Variants in KDSR observed in about 807,000 individuals in gnomAD.
The protein encoded by KDSR is 3-dehydrosphinganine reductase.
KDSR carries 23 observed loss-of-function variants against 41.3 expected under a neutral mutation model. The observed-to-expected ratio is 0.56, with a 90% CI of 0.40 to 0.79. The LOEUF (loss-of-function observed/expected upper bound fraction) is 0.79, where lower values mean the gene tolerates loss of function less well. KDSR is among the 30% of genes least tolerant of loss of function. KDSR has a pLI of 0.00. For synonymous variants in KDSR, 138 were observed against 151.7 expected (o/e 0.91, Z 0.66); for missense variants, 351 against 416.8 (o/e 0.84, Z 1.37).
At chr18:63,355,597 G>T (rs773581904) in intron 3 of KDSR, 34 bp from the exon 4 acceptor site, 2 of 1,539,658 alleles carry the variant, frequency 1.3e-6, no homozygotes, top group Admixed American at 2.3e-5. Flanking sequence ...TCAAAGTTTT[G>T]CAGGTACCAA....
At chr18:63,360,351 T>A (rs1046994761) in intron 2 of KDSR, among the ~76,000 whole-genome samples, 2 of 152,192 alleles carry the variant, frequency 1.3e-5, no homozygotes, top group African/African-American at 4.8e-5. Flanking sequence ...AGGTCCTAAT[T>A]TTGTTTGTTT....
chr18:63,349,332 A>T (rs887618926), intron 6 of KDSR, among the ~76,000 whole-genome samples: 2 of 152,160 alleles, frequency 1.3e-5, no homozygotes, highest in Non-Finnish European at 2.9e-5. Flanking sequence ...GCAGTGAGCT[A>T]TGATTGTGCC....
At chr18:63,352,682 A>C (rs1320615000) in intron 5 of KDSR, among the ~76,000 whole-genome samples, 1 of 152,168 alleles carries the variant, frequency 6.6e-6, no homozygotes, top group African/African-American at 2.4e-5. Flanking sequence ...TATGCTATTT[A>C]AGTTTAAAAA....
At chr18:63,347,401 C>G (rs1459748138) in intron 6 of KDSR, among the ~76,000 whole-genome samples, 1 of 146,756 alleles carries the variant, frequency 6.8e-6, no homozygotes, top group African/African-American at 2.6e-5. Flanking sequence ...GAGGCTGAGC[C>G]AGGAGAATCG....
At position 63,347,445 on chromosome 18, in the gene KDSR, G is replaced by A. The variant is rs561479319; in HGVS notation, c.610-2952C>T. ...AGGGAGGCAGAGGTTTCAGTGAACC[G>A]AGATCACACAACTGCACTCCAGCCT... On this transcript the variant is annotated intron_variant, in intron 6 of 9. Coordinates refer to ENST00000645214, the MANE Select transcript of KDSR (RefSeq NM_002035.4). Among the ~76,000 whole-genome samples, 9 of 129,884 alleles carry A rather than the reference G, an allele frequency of 6.9e-5. No homozygotes were observed. The South Asian group carries it at 9.9e-4, about 14-fold the overall frequency. 85.2% of individuals were successfully genotyped at this position (129,884 alleles called of 152,430 possible).
intron 2 of KDSR, among the ~76,000 whole-genome samples, chr18:63,360,082 C>A (rs1914918645): frequency 6.6e-6 from 1 of 152,168 alleles, no homozygotes; most frequent in Non-Finnish European, 1.5e-5. Flanking sequence ...ATTGCTGAGG[C>A]TGACTCTACA....
At chr18:63,359,707 G>A in intron 3 of KDSR, 29 bp downstream of exon 3, 1 of 1,469,260 alleles carries the variant, frequency 6.8e-7, no homozygotes, top group Non-Finnish European at 9.5e-7. Flanking sequence ...GAGTTATACA[G>A]AAAATGCATT....
chr18:63,348,067 A>T (rs1914563571), intron 6 of KDSR, among the ~76,000 whole-genome samples: 1 of 152,060 alleles, frequency 6.6e-6, no homozygotes, highest in South Asian at 2.1e-4. Flanking sequence ...CAGGTGGATC[A>T]CCTGAGTCCA....
At chr18:63,362,999 T>C (rs1915034156) in intron 1 of KDSR, 131 bp from the exon 2 acceptor site, 2 of 617,288 alleles carry the variant, frequency 3.2e-6, no homozygotes, top group South Asian at 4.2e-5. Flanking sequence ...TGTTAACTTC[T>C]TCATCCCAAA....
At chr18:63,364,017 T>G (rs1030858892) in intron 1 of KDSR, among the ~76,000 whole-genome samples, 1 of 152,152 alleles carries the variant, frequency 6.6e-6, no homozygotes, top group African/African-American at 2.4e-5. Context: ...CTGAAGAGAT[T>G]TATTTGGTGG....
chr18:63,359,049 C>T (rs112347147), intron 3 of KDSR, among the ~76,000 whole-genome samples: 84 of 150,236 alleles, frequency 5.6e-4, no homozygotes, highest in African/African-American at 2.0e-3. Flanking sequence ...CATGATGGCA[C>T]GTGTCTATAA....
In KDSR at chr18:63,330,011, T is replaced by G. The variant is rs1265717179; in HGVS notation, c.*1771A>C. ...TCCTTACAAGCTGCAATGAAATCAT[T>G]CCAAGCAATTTATATATTAAATAAT... On this transcript the variant is annotated 3_prime_UTR_variant, in exon 10 of 10. Transcript: ENST00000645214. 1 of 186,454 alleles carries G rather than the reference T, an allele frequency of 5.4e-6. No individual in the cohort carries two copies. The highest frequency in any genetic ancestry group is 2.3e-5 in the African/African-American group (1 of 42,690). The allele number at this position is 186,454 out of a possible 1,614,324, so 11.5% of individuals were successfully genotyped here.
chr18:63,352,721 A>G (rs947101289), intron 5 of KDSR, among the ~76,000 whole-genome samples: 2 of 152,180 alleles, frequency 1.3e-5, no homozygotes, highest in Non-Finnish European at 2.9e-5. Context: ...ATATGCTGTA[A>G]CTGTAATTAC....
intron 3 of KDSR, among the ~76,000 whole-genome samples, chr18:63,356,249 A>C (rs1381149666): frequency 6.6e-6 from 1 of 152,162 alleles, no homozygotes; most frequent in Non-Finnish European, 1.5e-5. Context: ...AATACAAAAA[A>C]TTAGCCTGGC....
At chr18:63,351,222 A>G in intron 5 of KDSR, 143 bp from the exon 6 acceptor site, 1 of 601,274 alleles carries the variant, frequency 1.7e-6, no homozygotes, top group Non-Finnish European at 2.9e-6. Flanking sequence ...TGAATGAATG[A>G]TGACATGATG....
At chr18:63,342,831 G>C (rs2144356906) in intron 7 of KDSR, among the ~76,000 whole-genome samples, 1 of 152,268 alleles carries the variant, frequency 6.6e-6, no homozygotes, top group African/African-American at 2.4e-5. Flanking sequence ...GTGTCCCCAT[G>C]CAAATCTCAG....
intron 7 of KDSR, among the ~76,000 whole-genome samples, chr18:63,339,623 C>G (rs779541229): frequency 2.0e-5 from 3 of 152,254 alleles, no homozygotes; most frequent in Non-Finnish European, 4.4e-5. Context: ...AGTAACCTCT[C>G]TCTTTCTTCT....
At chr18:63,357,596 T>A (rs1443681295) in intron 3 of KDSR, among the ~76,000 whole-genome samples, 133 of 142,136 alleles carry the variant, frequency 9.4e-4, no homozygotes, top group Middle Eastern at 3.7e-3. Context: ...ATATATATAT[T>A]TTTTTTTGAG....
In KDSR at chr18:63,328,411, G is replaced by A. The variant is rs1037200131; in HGVS notation, c.*3371C>T. 2.6e-4 allele frequency: 40 copies of A among 155,638 alleles called. No homozygotes were observed. Among genetic ancestry groups the A allele is most frequent in the Admixed American group, 8.5e-4 (13 of 15,228 alleles). The allele number at this position is 155,638 out of a possible 1,614,324, so 9.6% of individuals were successfully genotyped here. A position where few individuals can be genotyped will look rare whatever the true frequency, so the allele number is the denominator to read the frequency against. ...ACTGTCACCTAGGCTGGAGTGCAGT[G>A]GCGCAATCTTGGCTCACTGCAACCT... On this transcript the variant is annotated 3_prime_UTR_variant, in exon 10 of 10. Transcript: ENST00000645214.
Sources: gnomAD v4.1 joint callset for allele counts (sites outside exome capture counted in the v4.1 genomes callset) on GRCh38, gnomAD v4.1.1 for gene constraint, MANE v1.5 for transcripts, NCBI Gene and HGNC (gene_info 2026-07-23, HGNC 2026-07-21) for gene names.